EIF3I: variants seen among roughly 807,000 people sequenced by gnomAD.
The protein encoded by EIF3I is eukaryotic translation initiation factor 3 subunit I.
EIF3I carries 20 observed loss-of-function variants against 43.3 expected under a neutral mutation model. That is an observed-to-expected ratio of 0.46 (90% CI 0.32 to 0.67). The LOEUF is 0.67. EIF3I is among the 30% of genes least tolerant of loss of function. The probability of loss-of-function intolerance (pLI) is 0.03; values close to 1 mark genes in which losing one functional copy is unlikely to be tolerated. For synonymous variants in EIF3I, 167 were observed against 151.7 expected (o/e 1.10, Z -0.74); for missense variants, 279 against 421.4 (o/e 0.66, Z 2.96).
intron 4 of EIF3I, among the ~76,000 whole-genome samples, chr1:32,224,964 G>C (rs776154813): frequency 3.9e-5 from 6 of 152,130 alleles, no homozygotes; most frequent in Non-Finnish European, 7.3e-5. Context: ...CTCCCAAATA[G>C]CTGGGATTAC....
intron 1 of EIF3I, 26 bp from the exon 2 acceptor site, chr1:32,222,512 C>T (rs751664926): frequency 6.2e-7 from 1 of 1,613,880 alleles, no homozygotes; most frequent in Non-Finnish European, 8.5e-7. Context: ...ATTCCGAGCA[C>T]TGACGTTACT....
At chr1:32,224,764 G>A (rs1484332716) in intron 4 of EIF3I, among the ~76,000 whole-genome samples, 8 of 148,676 alleles carry the variant, frequency 5.4e-5, no homozygotes, top group Non-Finnish European at 8.9e-5. Context: ...TCTGTCTCCC[G>A]GGTTCAAGGG....
chr1:32,229,117 G>A lies in EIF3I; in HGVS notation c.730-18G>A. On this transcript the variant is annotated intron_variant, in intron 8 of 11. Transcript: ENST00000676679. The stretch of plus-strand genomic sequence containing the variant: ...TTGGTGTCCATTGGTCCCATCTAGA[G>A]TTTCTTCTTCCATTCAGGTGGTCCT... 6.2e-7 allele frequency: 1 copy of A among 1,608,198 alleles called. No individual in the cohort carries two copies. The highest frequency in any genetic ancestry group is 8.5e-7 in the Non-Finnish European group (1 of 1,178,436).
rs767074354 is a variant in EIF3I, at chr1:32,231,065, T to C, written c.1007+46T>C. ...CTGACCTAAGCCTGGGTTGGGTCTC[T>C]GCCTTTCCCAGAGTAAGCACCTGAC... On this transcript the variant is annotated intron_variant, in intron 11 of 11. Coordinates refer to ENST00000676679, the Ensembl canonical transcript of EIF3I. 126 of 1,613,574 alleles carry C rather than the reference T, an allele frequency of 7.8e-5. 1 individual carries two copies. Among genetic ancestry groups the C allele is most frequent in the Non-Finnish European group, 9.7e-5 (115 of 1,179,608 alleles).
At chr1:32,222,506 C>T (rs372500971) in intron 1 of EIF3I, 32 bp from the exon 2 acceptor site, 29 of 1,613,590 alleles carry the variant, frequency 1.8e-5, no homozygotes, top group Non-Finnish European at 2.5e-5. Context: ...GGCCCAATTC[C>T]GAGCACTGAC....
chr1:32,229,250 G>A (rs1639195515), intron 9 of EIF3I, 42 bp downstream of exon 9: 1 of 1,596,450 alleles, frequency 6.3e-7, no homozygotes, highest in Non-Finnish European at 8.5e-7. Context: ...ATCTCATGTG[G>A]TGTACCTTTT....
chr1:32,227,099 GGT>G lies in EIF3I; in HGVS notation c.528+571_528+572del, dbSNP rs367753797. On this transcript the variant is annotated intron_variant, in intron 6 of 11. Transcript: ENST00000676679. ...AGATGATCCACCTGCCTCGGGTCCT[GGT>G]GATAGCACACTAGTTCAGAACAAGG... Among the ~76,000 whole-genome samples, 778 of 151,332 alleles carry G rather than the reference GGT, an allele frequency of 5.1e-3. 6 individuals are homozygous for G. The highest frequency in any genetic ancestry group is 0.018 in the African/African-American group (745 of 41,316).
exon 3 of EIF3I, chr1:32,224,052 T>G (rs2124258773): frequency 1.9e-6 from 3 of 1,614,194 alleles, no homozygotes; most frequent in Non-Finnish European, 2.5e-6. Context: ...TGTATGGTAC[T>G]CTGTGAATGG....
intron 11 of EIF3I, 27 bp from the exon 11 acceptor site, chr1:32,231,088 G>C: frequency 6.2e-7 from 1 of 1,613,796 alleles, no homozygotes; most frequent in Non-Finnish European, 8.5e-7. Context: ...GTAAGCACCT[G>C]ACTGGTGCCT....
rs781036679 is a variant in EIF3I at position 32,229,124 on chromosome 1, C to A, written c.730-11C>A. 1 of 1,609,632 alleles carries A rather than the reference C, an allele frequency of 6.2e-7. No individual in the cohort carries two copies. The highest frequency in any genetic ancestry group is 8.5e-7 in the Non-Finnish European group (1 of 1,178,876). ...CCATTGGTCCCATCTAGAGTTTCTTCTTCCATTCAGGTGGTCCTGGGCGGT... is the reference window on the plus strand; with the variant it reads ...CCATTGGTCCCATCTAGAGTTTCTTATTCCATTCAGGTGGTCCTGGGCGGT... On this transcript the variant is annotated splice_polypyrimidine_tract_variant and intron_variant, in intron 8 of 11. Transcript: ENST00000676679.
intron 6 of EIF3I, 101 bp downstream of exon 6, chr1:32,226,631 A>G: frequency 1.6e-6 from 2 of 1,258,276 alleles, no homozygotes; most frequent in Non-Finnish European, 2.0e-6. Context: ...CAGTGGCGCC[A>G]TCTCGGCTCA....
At chr1:32,228,608 A>C (rs1224527338) in exon 7 of EIF3I, 1 of 1,614,114 alleles carries the variant, frequency 6.2e-7, no homozygotes, top group East Asian at 2.2e-5. Context: ...AACACAGCCA[A>C]GGTGAGCCTG....
intron 2 of EIF3I, 29 bp downstream of exon 2, chr1:32,222,659 G>GGGGCGGGATCCTTCTGCCAGGAC: frequency 6.2e-7 from 1 of 1,606,834 alleles, no homozygotes; most frequent in Non-Finnish European, 8.5e-7. Context: ...GGGTCCGGGA[G>GGGGCGGGATCCTTCTGCCAGGAC]GGGCGGGATC....
In EIF3I at chr1:32,224,481, C is replaced by T. The variant is rs757003697; in HGVS notation, c.250+6C>T. ...TCTCTGGGACTGTGAAACAGGTAAG[C>T]TGGGTTCATTCACCTTTTTAGCAAA... On this transcript the variant is annotated splice_donor_region_variant and intron_variant, in intron 4 of 11. Coordinates refer to ENST00000676679, the Ensembl canonical transcript of EIF3I. 2.5e-6 allele frequency: 4 copies of T among 1,612,338 alleles called. No homozygotes were observed. The Admixed American group carries it at 6.7e-5, about 27-fold the overall frequency.
Position 32,224,120 on chromosome 1 carries a change from C to T in EIF3I, c.183C>T (p.Asp61=), listed in dbSNP as rs780091515. ...GAGCTGTGTGGTGTGTGGACGCTGA[C>T]TGTATCCTTATTTTGGGTCTGAGTC... Residue 61 remains aspartate (D), a splice_region_variant and synonymous_variant, in exon 3 of 12, where the codon GAC becomes GAT. Transcript: ENST00000676679. The T allele has an allele frequency of 3.7e-6, 6 of 1,614,088 alleles. No individual in the cohort carries two copies. In the East Asian group the frequency reaches 1.3e-4, roughly 36 times the overall value.
chr1:32,229,644 G>C (rs574715902), intron 9 of EIF3I, among the ~76,000 whole-genome samples: 3 of 149,086 alleles, frequency 2.0e-5, no homozygotes, highest in Non-Finnish European at 3.0e-5. Context: ...TCTGCTTCCC[G>C]GGTTCAAGCA....
intron 9 of EIF3I, 52 bp downstream of exon 9, chr1:32,229,260 T>C: frequency 6.3e-7 from 1 of 1,582,930 alleles, no homozygotes; most frequent in Non-Finnish European, 8.6e-7. Context: ...GTGTACCTTT[T>C]TTGTTTGTTT....
exon 3 of EIF3I, chr1:32,224,100 G>T (rs755899417): frequency 6.2e-7 from 1 of 1,614,174 alleles, no homozygotes; most frequent in African/African-American, 1.3e-5. Context: ...TACCGGAGCT[G>T]TGTGGTGTGT....
chr1:32,234,519 C>T (rs1639276888), downstream of EIF3I: 1 of 152,794 alleles, frequency 6.5e-6, no homozygotes, highest in Non-Finnish European at 1.5e-5. Flanking sequence ...GGCAGCCCAG[C>T]TGCCACACGC....
Sources: gnomAD v4.1 joint callset for allele counts (sites outside exome capture counted in the v4.1 genomes callset) on GRCh38, gnomAD v4.1.1 for gene constraint, MANE v1.5 for transcripts, NCBI Gene and HGNC (gene_info 2026-07-23, HGNC 2026-07-21) for gene names.